Variants in HMGXB3 observed in about 807,000 individuals in gnomAD.
HMGXB3 encodes the protein HMG domain-containing protein 3.
A neutral mutation model predicts 121.5 loss-of-function variants in HMGXB3; 45 were observed. The ratio of observed to expected loss-of-function variants is 0.37; its 90% confidence interval spans 0.29 to 0.47. The LOEUF (loss-of-function observed/expected upper bound fraction) is 0.47. Among genes scored for constraint, HMGXB3 ranks in the 20% least tolerant of loss-of-function variants. The pLI is 0.99. For synonymous variants in HMGXB3, 590 were observed against 624.1 expected, an observed-to-expected ratio of 0.95 and a Z score of 0.81; for missense variants, 1,376 against 1,602.2, an observed-to-expected ratio of 0.86 and a Z score of 2.41.
intron 16 of HMGXB3, among the ~76,000 whole-genome samples, chr5:150,046,421 T>G (rs1756756473): frequency 6.6e-6 from 1 of 152,248 alleles, no homozygotes; most frequent in East Asian, 1.9e-4. Flanking sequence ...ATTTTCTATC[T>G]TATTTCATTT....
In HMGXB3 at chr5:150,024,385, C is replaced by T. The variant is rs1211207643; in HGVS notation, c.1165C>T (p.Leu389=). ...QNSSKENASK[L]TLENSEAVSQ... is the part of the protein sequence containing the mutation. Reference sequence around the variant, plus strand: ...TTCCTCTAAGGAAAATGCCTCCAAACTGACTCTGGAGAATTCGGAAGCTGT... The same window carrying T: ...TTCCTCTAAGGAAAATGCCTCCAAATTGACTCTGGAGAATTCGGAAGCTGT... The change falls in exon 7 of 20, where the codon CTG becomes TTG. Residue 389 remains leucine, a synonymous_variant. Coordinates refer to ENST00000502717, the MANE Select transcript of HMGXB3 (RefSeq NM_014983.3). The T allele has an allele frequency of 6.4e-7, 1 of 1,551,740 alleles. No individual in the cohort carries two copies. Among genetic ancestry groups the T allele is most frequent in the Non-Finnish European group, 8.7e-7 (1 of 1,147,000 alleles).
At position 150,032,618 on chromosome 5, in the gene HMGXB3, C is replaced by A. The variant is rs564579938; in HGVS notation, c.1983+15C>A. ...CCAAGGCTATCGTGAGTTCCTTCCC[C>A]CAAACACATCCCCTGGCCTGTTCTG... is the stretch of plus-strand genomic sequence containing the variant. On this transcript the variant is annotated intron_variant, in intron 11 of 19. Coordinates refer to ENST00000502717, the MANE Select transcript of HMGXB3 (RefSeq NM_014983.3). 5 of 1,552,028 alleles carry A rather than the reference C, an allele frequency of 3.2e-6. 1 individual carries two copies. In the Admixed American group the frequency reaches 5.9e-5, roughly 18 times the overall value.
rs531940367 is a variant in HMGXB3, at chr5:150,026,638, A to G, written c.1461-68A>G. 191 of 1,296,608 alleles carry G rather than the reference A, an allele frequency of 1.5e-4. 1 individual carries two copies. Among genetic ancestry groups the G allele is most frequent in the Non-Finnish European group, 1.7e-5 (16 of 930,930 alleles). The allele number at this position is 1,296,608 out of a possible 1,614,324, so 80.3% of individuals were successfully genotyped here. A position where few individuals can be genotyped will look rare whatever the true frequency, so the allele number is the denominator to read the frequency against. Reference sequence around the variant, plus strand: ...ACTATCCTCTAAGAAAGCACTATGTAGAGATTGCGCTTTGGTTTTCTTCCC... The same window carrying G: ...ACTATCCTCTAAGAAAGCACTATGTGGAGATTGCGCTTTGGTTTTCTTCCC... On this transcript the variant is annotated intron_variant, in intron 7 of 19. Transcript: ENST00000502717.
rs933131479 is a variant in HMGXB3, at chr5:150,032,539, G to A, written c.1919G>A (p.Arg640Gln). ...GTCTACACCAACAGGCACAAACCTC[G>A]AATTTGTCCCAGCTGTGGTGTTAAC... ...SYVYTNRHKP[R>Q]ICPSCGVNLA... The change falls in exon 11 of 20, where the codon CGA (arginine) becomes CAA (glutamine). Residue 640 changes from arginine (R) to glutamine (Q), a missense_variant. By Grantham distance (43) the Arg-to-Gln change is conservative. Transcript: ENST00000502717. 8.4e-6 allele frequency: 13 copies of A among 1,552,018 alleles called. No homozygotes were observed. Among genetic ancestry groups the A allele is most frequent in the Admixed American group, 5.9e-5 (3 of 50,992 alleles).
At chr5:150,048,385 T>C (rs529856737) in intron 17 of HMGXB3, among the ~76,000 whole-genome samples, 184 bp from the exon 18 acceptor site, 9 of 152,376 alleles carry the variant, frequency 5.9e-5, no homozygotes, top group Non-Finnish European at 1.0e-4. Flanking sequence ...GACCTAATCC[T>C]TTCAGGGCCT....
At chr5:150,039,555 AGAGTAT>A (rs1756578134) in intron 13 of HMGXB3, among the ~76,000 whole-genome samples, 1 of 152,126 alleles carries the variant, frequency 6.6e-6, no homozygotes. Flanking sequence ...TGTAGTAGGT[AGAGTAT>A]ATGTCCTTTT....
Position 150,052,226 on chromosome 5 carries a change from C to T in HMGXB3, c.*34C>T, listed in dbSNP as rs767450133. 6 of 1,471,862 alleles carry T rather than the reference C, an allele frequency of 4.1e-6. No individual in the cohort carries two copies. Among genetic ancestry groups the T allele is most frequent in the Admixed American group, 4.0e-5 (2 of 49,812 alleles). 91.2% of individuals were successfully genotyped at this position (1,471,862 alleles called of 1,614,324 possible). A position where few individuals can be genotyped will look rare whatever the true frequency, so the allele number is the denominator to read the frequency against. On this transcript the variant is annotated 3_prime_UTR_variant, in exon 20 of 20. Coordinates refer to ENST00000502717, the MANE Select transcript of HMGXB3 (RefSeq NM_014983.3). ...GTTGTACAGGGACTACACCATCTCTCAAGCCATAGTAAGGCCCTTGCCTGA... is the reference window on the plus strand; with the variant it reads ...GTTGTACAGGGACTACACCATCTCTTAAGCCATAGTAAGGCCCTTGCCTGA...
rs1325000228 is a variant in HMGXB3 at position 150,024,633 on chromosome 5, G to A, written c.1413G>A (p.Glu471=). 6.4e-6 allele frequency: 10 copies of A among 1,551,544 alleles called. No individual in the cohort carries two copies. Among genetic ancestry groups the A allele is most frequent in the Admixed American group, 3.9e-5 (2 of 50,962 alleles). Residue 471 remains glutamate, a synonymous_variant, in exon 7 of 20, where the codon GAG becomes GAA. Coordinates refer to ENST00000502717, the MANE Select transcript of HMGXB3 (RefSeq NM_014983.3). ...SPGADVPTPS[E]GTSTSSPLPA... is the part of the protein sequence containing the mutation. ...GAGCAGACGTACCAACACCATCCGA[G>A]GGGACAAGTACCTCCAGTCCACTCC...
chr5:150,024,205 G>A, intron 6 of HMGXB3, 57 bp from the exon 7 acceptor site: 3 of 1,315,004 alleles, frequency 2.3e-6, no homozygotes, highest in Non-Finnish European at 2.0e-6. Context: ...GAGAATGTTT[G>A]TGAATGTCAT....
chr5:150,043,213 G>C (rs930876241), intron 15 of HMGXB3, among the ~76,000 whole-genome samples: 1 of 152,170 alleles, frequency 6.6e-6, no homozygotes, highest in African/African-American at 2.4e-5. Flanking sequence ...TTAGCAAACA[G>C]AACAGTAGGA....
intron 19 of HMGXB3, among the ~76,000 whole-genome samples, chr5:150,051,375 C>T (rs2113765908): frequency 6.6e-6 from 1 of 152,346 alleles, no homozygotes; most frequent in South Asian, 2.1e-4. Context: ...ATTGTCATTA[C>T]TCCCTGGGGC....
At chr5:150,032,118 G>A (rs550251989) in intron 10 of HMGXB3, among the ~76,000 whole-genome samples, 5 of 152,264 alleles carry the variant, frequency 3.3e-5, no homozygotes, top group Admixed American at 2.0e-4. Flanking sequence ...GAACTCTTTA[G>A]TTCACCAGTC....
At chr5:150,033,177 A>G (rs1264750387) in intron 11 of HMGXB3, among the ~76,000 whole-genome samples, 2 of 152,170 alleles carry the variant, frequency 1.3e-5, no homozygotes, top group Admixed American at 1.3e-4. Flanking sequence ...AAAAATGGGC[A>G]TTTTCAGAGG....
At position 150,045,444 on chromosome 5, in the gene HMGXB3, C is replaced by T. The variant is rs770829762; in HGVS notation, c.2731-22C>T. On this transcript the variant is annotated intron_variant, in intron 15 of 19. Coordinates refer to ENST00000502717, the MANE Select transcript of HMGXB3 (RefSeq NM_014983.3). ...TGTTCTGTGACTCCCACAGTTTGAC[C>T]TTCTTTATCCTGACCTTCTAGTTCA... 1.9e-6 allele frequency: 3 copies of T among 1,539,894 alleles called. No individual in the cohort carries two copies. In the South Asian group the frequency reaches 3.6e-5, roughly 18 times the overall value.
rs1356428433 is a variant in HMGXB3, at chr5:150,000,965, CG to C, written c.-216del. On this transcript the variant is annotated 5_prime_UTR_variant, in exon 1 of 20. Coordinates refer to ENST00000502717, the MANE Select transcript of HMGXB3 (RefSeq NM_014983.3). Reference sequence around the variant, plus strand: ...GAGAGGGGCTGTCGCGACTCCGCGCCGTGTGTCGCCGGGCGGGGCCGCGGGG... The same window carrying C: ...GAGAGGGGCTGTCGCGACTCCGCGCCTGTGTCGCCGGGCGGGGCCGCGGGG... 1 of 154,612 alleles carries C rather than the reference CG, an allele frequency of 6.5e-6. No individual in the cohort carries two copies. Among genetic ancestry groups the C allele is most frequent in the Non-Finnish European group, 1.5e-5 (1 of 68,206 alleles). The allele number at this position is 154,612 out of a possible 1,614,324, so 9.6% of individuals were successfully genotyped here.
At position 150,010,625 on chromosome 5, in the gene HMGXB3, C is replaced by G. The variant is rs1192825196; in HGVS notation, c.810+17C>G. On this transcript the variant is annotated intron_variant, in intron 4 of 19. Coordinates refer to ENST00000502717, the MANE Select transcript of HMGXB3 (RefSeq NM_014983.3). Reference sequence around the variant, plus strand: ...GTCATGAGGGTAAGTGGCTTTGGTACTGAAGTCTTTGGCTTTGTCTGGAGT... The same window carrying G: ...GTCATGAGGGTAAGTGGCTTTGGTAGTGAAGTCTTTGGCTTTGTCTGGAGT... 1 of 1,541,554 alleles carries G rather than the reference C, an allele frequency of 6.5e-7. No individual in the cohort carries two copies. The highest frequency in any genetic ancestry group is 8.8e-7 in the Non-Finnish European group (1 of 1,141,574).
At chr5:150,022,255 A>G (rs1262434578) in intron 6 of HMGXB3, among the ~76,000 whole-genome samples, 2 of 152,158 alleles carry the variant, frequency 1.3e-5, no homozygotes, top group Non-Finnish European at 2.9e-5. Context: ...TTGTCTCTAA[A>G]AGCTCCAAGT....
chr5:150,020,698 T>C (rs1286741526), intron 6 of HMGXB3, among the ~76,000 whole-genome samples: 1 of 151,968 alleles, frequency 6.6e-6, no homozygotes, highest in Non-Finnish European at 1.5e-5. Flanking sequence ...TAGCTGGTAC[T>C]ATAGGCATAT....
chr5:150,021,958 C>G, intron 6 of HMGXB3: 1 of 447,678 alleles, frequency 2.2e-6, no homozygotes, highest in African/African-American at 2.0e-5. Flanking sequence ...TGTTCCTTGG[C>G]GAGAGAGAAC....
Sources: gnomAD v4.1 joint callset for allele counts (sites outside exome capture counted in the v4.1 genomes callset) on GRCh38, gnomAD v4.1.1 for gene constraint, MANE v1.5 for transcripts, NCBI Gene and HGNC (gene_info 2026-07-23, HGNC 2026-07-21) for gene names.